The following THNSL2 variants were observed in gnomAD, a reference collection of about 807,000 sequenced individuals.
THNSL2 encodes the protein threonine synthase-like 2.
A neutral mutation model predicts 40.0 loss-of-function variants in THNSL2; 34 were observed. The ratio of observed to expected loss-of-function variants is 0.85; its 90% CI spans 0.65 to 1.13. The LOEUF is 1.13. Among genes scored for constraint, THNSL2 ranks in the 50% most tolerant of loss-of-function variants. The probability of loss-of-function intolerance (pLI) is 0.00; values close to 1 mark genes in which losing one functional copy is unlikely to be tolerated. For missense variants in THNSL2, 537 were observed against 608.8 expected (o/e 0.88, Z 1.24); for synonymous variants, 241 against 247.5 (o/e 0.97, Z 0.25).
intron 1 of THNSL2, chr2:88,172,664 C>G (rs1449057899): frequency 6.6e-6 from 1 of 152,408 alleles, no homozygotes; most frequent in Non-Finnish European, 1.5e-5. Context: ...TTGAGAACTA[C>G]TAGGCTGTAG....
At chr2:88,185,175 A>G (rs1678133624) in intron 7 of THNSL2, among the ~76,000 whole-genome samples, 153 bp from the exon 8 acceptor site, 1 of 152,206 alleles carries the variant, frequency 6.6e-6, no homozygotes, top group Non-Finnish European at 1.5e-5. Flanking sequence ...CTAGGAGGCC[A>G]GATTTTTACT....
Position 88,174,755 on chromosome 2 carries a change from G to A in THNSL2, c.340G>A (p.Asp114Asn). The change falls in exon 3 of 9, where the codon GAC becomes AAC. Residue 114 changes from aspartate to asparagine, a missense_variant. Transcript: ENST00000674334. The part of the protein sequence containing the change: ...LWHGVTYAFK[D>N]LSLSCTTQFL... ...GCATGGCGTCACATATGCATTTAAG[G>A]ACCTGTCCCTGTCCTGCACAACACA... is the stretch of plus-strand genomic sequence containing the variant. The A allele has an allele frequency of 1.2e-6, 2 of 1,614,198 alleles. No homozygotes were observed. The highest frequency in any genetic ancestry group is 8.5e-7 in the Non-Finnish European group (1 of 1,180,040).
At chr2:88,181,696 A>G (rs924991254) in intron 5 of THNSL2, among the ~76,000 whole-genome samples, 3 of 152,100 alleles carry the variant, frequency 2.0e-5, no homozygotes, top group African/African-American at 7.2e-5. Flanking sequence ...TTGTGCAACT[A>G]TCACCATAAC....
At position 88,186,061 on chromosome 2, in the gene THNSL2, C is replaced by A. The variant is rs367584313; in HGVS notation, c.1393C>A (p.Arg465=). The A allele has an allele frequency of 6.9e-6, 11 of 1,584,936 alleles. No homozygotes were observed. Among genetic ancestry groups the A allele is most frequent in the Non-Finnish European group, 9.4e-6 (11 of 1,165,440 alleles). The change falls in exon 9 of 9, where the codon CGG becomes AGG. Residue 465 remains arginine (R), a synonymous_variant. Coordinates refer to ENST00000674334, the MANE Select transcript of THNSL2 (RefSeq NM_018271.5). ...RRGDNWMLML[R]DTIEDLSRQW... Reference sequence around the variant, plus strand: ...AGGTGACAACTGGATGCTGATGCTTCGGGACACCATTGAGGACCTTAGCCG... The same window carrying A: ...AGGTGACAACTGGATGCTGATGCTTAGGGACACCATTGAGGACCTTAGCCG...
At chr2:88,173,849 C>A (rs1676626931) in intron 2 of THNSL2, among the ~76,000 whole-genome samples, 1 of 152,176 alleles carries the variant, frequency 6.6e-6, no homozygotes, top group Non-Finnish European at 1.5e-5. Context: ...TTGTTAAAAA[C>A]CAAATTCTGA....
intron 2 of THNSL2, 148 bp from the exon 3 acceptor site, chr2:88,174,491 A>T: frequency 2.6e-6 from 2 of 759,084 alleles, no homozygotes; most frequent in Non-Finnish European, 4.1e-6. Context: ...CTAGGTTTTT[A>T]CAATTGTATT....
intron 5 of THNSL2, chr2:88,182,477 C>A: frequency 2.5e-6 from 1 of 404,636 alleles, no homozygotes; most frequent in Non-Finnish European, 4.3e-6. Context: ...TGAGTTGCAA[C>A]AGTTCTTTAT....
At chr2:88,170,669 T>G (rs1676271022) in intron 1 of THNSL2, among the ~76,000 whole-genome samples, 1 of 152,140 alleles carries the variant, frequency 6.6e-6, no homozygotes, top group Non-Finnish European at 1.5e-5. Flanking sequence ...TCTGCGGGAT[T>G]TGAGCAGTCC....
chr2:88,180,808 C>T (rs1677461411), intron 5 of THNSL2, among the ~76,000 whole-genome samples: 1 of 152,118 alleles, frequency 6.6e-6, no homozygotes, highest in Admixed American at 6.5e-5. Context: ...CTCTGGCCTC[C>T]CCTGGTGCCT....
chr2:88,176,414 C>T (rs979989423), intron 4 of THNSL2: 2 of 152,096 alleles, frequency 1.3e-5, no homozygotes, highest in Non-Finnish European at 2.9e-5. Context: ...CCTCTCACAC[C>T]CCACTGGACC....
At chr2:88,179,977 T>C (rs1677356016) in intron 5 of THNSL2, among the ~76,000 whole-genome samples, 1 of 152,174 alleles carries the variant, frequency 6.6e-6, no homozygotes, top group Non-Finnish European at 1.5e-5. Context: ...AGCATCTTAG[T>C]GGTTAGGAAG....
At chr2:88,177,006 G>C (rs1418088020) in intron 4 of THNSL2, 1 of 152,164 alleles carries the variant, frequency 6.6e-6, no homozygotes, top group Non-Finnish European at 1.5e-5. Flanking sequence ...CTACTCCCTT[G>C]TCTTTTTTGT....
At chr2:88,170,526 C>A in intron 1 of THNSL2, 70 bp downstream of exon 1, 1 of 152,588 alleles carries the variant, frequency 6.6e-6, no homozygotes. Context: ...CGGACGCTCT[C>A]GCGGCTCCGT....
rs747657530 is a variant in THNSL2, at chr2:88,183,059, G to A, written c.1063G>A (p.Glu355Lys). The change falls in exon 7 of 9, where the codon GAA becomes AAA. Residue 355 changes from glutamate to lysine, a missense_variant. Physicochemically the swap from Glu to Lys is moderately conservative, Grantham distance 56. Coordinates refer to ENST00000674334, the MANE Select transcript of THNSL2 (RefSeq NM_018271.5). ...ERTQSVNLPKELHSKLSEAVT... is the reference protein window; with the variant it reads ...ERTQSVNLPKKLHSKLSEAVT... The stretch of plus-strand genomic sequence containing the variant: ...GACCCAAAGTGTGAATCTGCCCAAG[G>A]AACTGCACAGCAAGGTCAGTCACTA... 2.5e-6 allele frequency: 4 copies of A among 1,613,070 alleles called. No homozygotes were observed. The Admixed American group carries it at 6.7e-5, about 27-fold the overall frequency.
intron 4 of THNSL2, 146 bp from the exon 5 acceptor site, chr2:88,178,637 A>G (rs1677190251): frequency 2.8e-6 from 2 of 714,336 alleles, no homozygotes; most frequent in African/African-American, 1.8e-5. Context: ...AGTGAGGCCA[A>G]GCTACGTGAA....
Position 88,186,307 on chromosome 2 carries a change from G to C in THNSL2, c.*184G>C, listed in dbSNP as rs1678285701. 1.6e-6 allele frequency: 1 copy of C among 637,080 alleles called. No homozygotes were observed. The allele number at this position is 637,080 out of a possible 1,614,324, so 39.5% of individuals were successfully genotyped here. On this transcript the variant is annotated 3_prime_UTR_variant, in exon 9 of 9. Coordinates refer to ENST00000674334, the MANE Select transcript of THNSL2 (RefSeq NM_018271.5). ...TCTGTGCCTGGTCACCAGGGAGGCT[G>C]AGTGAGGGGCTGTGAACAGTTGCCG...
chr2:88,178,417 G>A lies in THNSL2; in HGVS notation c.572-366G>A, dbSNP rs909016785. On this transcript the variant is annotated intron_variant, in intron 4 of 8. Transcript: ENST00000674334. Reference sequence around the variant, plus strand: ...ATCAGGCACACAGTTTCTCCTCTGCGGAAGAGTGGGGGAAGTGGGCATGGA... The same window carrying A: ...ATCAGGCACACAGTTTCTCCTCTGCAGAAGAGTGGGGGAAGTGGGCATGGA... Among the ~76,000 whole-genome samples, 8 of 152,196 alleles carry A rather than the reference G, an allele frequency of 5.3e-5. No individual in the cohort carries two copies. The South Asian group carries it at 6.2e-4, about 12-fold the overall frequency.
At chr2:88,176,616 A>G (rs1192281272) in intron 4 of THNSL2, 3 of 152,210 alleles carry the variant, frequency 2.0e-5, no homozygotes, top group Non-Finnish European at 2.9e-5. Context: ...ATTTTTGTAT[A>G]ACATCAGCTT....
chr2:88,186,259 G>T lies in THNSL2; in HGVS notation c.*136G>T. ...GCTCAGCTGGATCTGGAGCCAGCTG[G>T]CTTTGCTCCGTTCCCTGGCTAGTCT... On this transcript the variant is annotated 3_prime_UTR_variant, in exon 9 of 9. Coordinates refer to ENST00000674334, the MANE Select transcript of THNSL2 (RefSeq NM_018271.5). The T allele has an allele frequency of 1.2e-6, 1 of 861,314 alleles. No individual in the cohort carries two copies. The highest frequency in any genetic ancestry group is 1.7e-5 in the South Asian group (1 of 60,306). 53.4% of individuals were successfully genotyped at this position (861,314 alleles called of 1,614,324 possible).
Sources: allele counts gnomAD v4.1 joint callset (sites outside exome capture counted in the v4.1 genomes callset), GRCh38; gene constraint gnomAD v4.1.1; transcripts MANE v1.5; gene names NCBI Gene and HGNC (gene_info 2026-07-23, HGNC 2026-07-21).